The following PPARGC1A variants were observed in gnomAD, a reference collection of about 807,000 sequenced individuals.
The protein encoded by PPARGC1A is PPARG coactivator 1 alpha, also known as peroxisome proliferator-activated receptor gamma coactivator 1-alpha.
Under a neutral mutation model 88.7 loss-of-function variants are expected in PPARGC1A, and 25 were observed. The ratio of observed to expected loss-of-function variants is 0.28; its 90% CI spans 0.21 to 0.39. PPARGC1A has a LOEUF of 0.39. Among genes scored for constraint, PPARGC1A ranks in the 10% least tolerant of loss-of-function variants. The pLI is 1.00. For missense variants in PPARGC1A, 880 were observed against 968.7 expected, an observed-to-expected ratio of 0.91 and a Z score of 1.22; for synonymous variants, 363 against 355.6, an observed-to-expected ratio of 1.02 and a Z score of -0.24.
At chr4:23,888,001 A>G (rs1440306234) in intron 1 of PPARGC1A, among the ~76,000 whole-genome samples, 2 of 152,184 alleles carry the variant, frequency 1.3e-5, no homozygotes, top group Non-Finnish European at 2.9e-5. Context: ...ATATAGGCCT[A>G]TATTAACCAA....
chr4:24,010,060 T>C, the PPARGC1A span, among the ~76,000 whole-genome samples: 1 of 152,176 alleles, frequency 6.6e-6, no homozygotes, highest in South Asian at 2.1e-4. Flanking sequence ...AGAAAGACAT[T>C]GGGAGGCTAC....
the PPARGC1A span, among the ~76,000 whole-genome samples, chr4:24,278,626 A>G: frequency 6.6e-6 from 1 of 152,146 alleles, no homozygotes; most frequent in African/African-American, 2.4e-5. Flanking sequence ...AAGCATGCCC[A>G]TCCTCTTGAA....
the PPARGC1A span, among the ~76,000 whole-genome samples, chr4:24,371,666 C>T: frequency 2.6e-5 from 4 of 151,770 alleles, no homozygotes; most frequent in South Asian, 2.1e-4. Flanking sequence ...AGGGGCAGGG[C>T]GCGGTGGCTC....
the PPARGC1A span, among the ~76,000 whole-genome samples, chr4:24,259,641 G>C: frequency 0.38 from 57,981 of 152,012 alleles, 11,772 homozygotes; most frequent in Non-Finnish European, 0.46. Context: ...CTACAGGTTT[G>C]TAACCTGGGA....
At chr4:24,363,329 C>T in the PPARGC1A span, among the ~76,000 whole-genome samples, 32 of 152,212 alleles carry the variant, frequency 2.1e-4, no homozygotes, top group South Asian at 6.6e-3. Flanking sequence ...ACATTTGGTG[C>T]CAGCTTGAAG....
chr4:24,180,524 A>G, the PPARGC1A span, among the ~76,000 whole-genome samples: 1 of 152,308 alleles, frequency 6.6e-6, no homozygotes, highest in Middle Eastern at 3.4e-3. Flanking sequence ...CTATATAGAA[A>G]AGGCAAAGGG....
At chr4:23,942,137 G>A in the PPARGC1A span, among the ~76,000 whole-genome samples, 1 of 151,962 alleles carries the variant, frequency 6.6e-6, no homozygotes, top group African/African-American at 2.4e-5. Context: ...TTACCTTAAT[G>A]GAATGATTTT....
the PPARGC1A span, among the ~76,000 whole-genome samples, chr4:24,454,511 G>T: frequency 6.6e-6 from 1 of 152,082 alleles, no homozygotes; most frequent in Non-Finnish European, 1.5e-5. Flanking sequence ...TGAGATGGGA[G>T]GATCACTTGA....
the PPARGC1A span, among the ~76,000 whole-genome samples, chr4:24,168,127 A>G: frequency 6.6e-6 from 1 of 152,384 alleles, no homozygotes; most frequent in East Asian, 1.9e-4. Context: ...AAACTACAGT[A>G]TAGTATAAAA....
the PPARGC1A span, among the ~76,000 whole-genome samples, chr4:24,165,631 G>T: frequency 6.6e-6 from 1 of 152,066 alleles, no homozygotes; most frequent in Non-Finnish European, 1.5e-5. Context: ...TAAGTCTCAT[G>T]GTATTTCAAG....
At chr4:24,337,368 G>T in the PPARGC1A span, among the ~76,000 whole-genome samples, 50,787 of 152,122 alleles carry the variant, frequency 0.33, 9,516 homozygotes, top group East Asian at 0.47. Context: ...GTAGTTATTT[G>T]CCAGGCCCTG....
At chr4:24,346,312 G>GT in the PPARGC1A span, among the ~76,000 whole-genome samples, 1 of 152,072 alleles carries the variant, frequency 6.6e-6, no homozygotes, top group African/African-American at 2.4e-5. Context: ...GTTAGGGAGG[G>GT]TTTTTTCTTT....
the PPARGC1A span, among the ~76,000 whole-genome samples, chr4:24,352,122 A>T: frequency 6.6e-6 from 1 of 152,064 alleles, no homozygotes; most frequent in Non-Finnish European, 1.5e-5. Context: ...AACTATACAG[A>T]GCCACCCGGG....
At chr4:23,797,038 T>G (rs1254319356) in intron 12 of PPARGC1A, among the ~76,000 whole-genome samples, 1 of 152,128 alleles carries the variant, frequency 6.6e-6, no homozygotes, top group East Asian at 1.9e-4. Context: ...TTCCAAAGTT[T>G]CAATCTACCT....
chr4:24,111,859 T>C, the PPARGC1A span, among the ~76,000 whole-genome samples: 1 of 152,152 alleles, frequency 6.6e-6, no homozygotes, highest in Non-Finnish European at 1.5e-5. Context: ...GCCACACATA[T>C]ATAGCTCTGA....
At chr4:24,237,565 C>G in the PPARGC1A span, among the ~76,000 whole-genome samples, 1 of 152,106 alleles carries the variant, frequency 6.6e-6, no homozygotes, top group Non-Finnish European at 1.5e-5. Context: ...GTTCGATACC[C>G]GTAATGGCCA....
the PPARGC1A span, among the ~76,000 whole-genome samples, chr4:24,453,184 A>G: frequency 6.6e-6 from 1 of 152,228 alleles, no homozygotes; most frequent in South Asian, 2.1e-4. Flanking sequence ...CCTTTCCCTC[A>G]TGGGCCTGAG....
the PPARGC1A span, among the ~76,000 whole-genome samples, chr4:24,447,123 C>A: frequency 5.2e-3 from 793 of 152,282 alleles, 7 homozygotes; most frequent in African/African-American, 0.018. Flanking sequence ...CTACTGAGCC[C>A]CAACAGAGCC....
At chr4:24,071,839 G>A in the PPARGC1A span, among the ~76,000 whole-genome samples, 36 of 152,208 alleles carry the variant, frequency 2.4e-4, no homozygotes, top group Middle Eastern at 0.014. Flanking sequence ...TTGATGTAAC[G>A]TGAATTCACC....
Sources: gnomAD v4.1 joint callset for allele counts (sites outside exome capture counted in the v4.1 genomes callset) on GRCh38, gnomAD v4.1.1 for gene constraint, MANE v1.5 for transcripts, NCBI Gene and HGNC (gene_info 2026-07-23, HGNC 2026-07-21) for gene names.